STOX2: variants seen among roughly 807,000 people sequenced by gnomAD.
STOX2 encodes the protein storkhead-box protein 2.
STOX2 carries 28 observed loss-of-function variants against 60.9 expected under a neutral mutation model. The ratio of observed to expected loss-of-function variants is 0.46; its 90% CI spans 0.34 to 0.63. The LOEUF (loss-of-function observed/expected upper bound fraction) is 0.63. Ranked by LOEUF, STOX2 falls within the 30% of genes least tolerant of loss-of-function variation. STOX2 has a pLI of 0.01. For synonymous variants in STOX2, 472 were observed against 463.9 expected (o/e 1.02, Z -0.22); for missense variants, 1,024 against 1,187.7 (o/e 0.86, Z 2.03).
At chr4:183,848,050 G>T (rs188132790) in intron 1 of STOX2, among the ~76,000 whole-genome samples, 78 of 152,332 alleles carry the variant, frequency 5.1e-4, no homozygotes, top group Middle Eastern at 3.4e-3. Context: ...ACATAATACA[G>T]TCTTCCTAGA....
At chr4:183,808,551 A>C (rs979128126) in intron 1 of STOX2, among the ~76,000 whole-genome samples, 14 of 152,342 alleles carry the variant, frequency 9.2e-5, no homozygotes, top group Admixed American at 3.9e-4. Context: ...GAAAGTCTTT[A>C]ATCGTTAGTA....
At position 183,889,112 on chromosome 4, in the gene STOX2, C is replaced by T. The variant is rs76012716; in HGVS notation, c.364+91057C>T. 7.7e-3 allele frequency among the ~76,000 whole-genome samples: 1,167 copies of T among 152,060 alleles called. 16 individuals are homozygous for T. The highest frequency in any genetic ancestry group is 0.027 in the African/African-American group (1,118 of 41,486). On this transcript the variant is annotated intron_variant, in intron 1 of 2. Coordinates refer to the STOX2 transcript ENST00000513034. ...AGTTAAAGGATCGTCCTCAACGACACTGATCGGGGTTGAACTGCATCCCTC... is the reference window on the plus strand; with the variant it reads ...AGTTAAAGGATCGTCCTCAACGACATTGATCGGGGTTGAACTGCATCCCTC...
At chr4:183,935,421 G>A (rs1237251177) in intron 1 of STOX2, among the ~76,000 whole-genome samples, 1 of 152,240 alleles carries the variant, frequency 6.6e-6, no homozygotes, top group Non-Finnish European at 1.5e-5. Context: ...CAGCATTTTG[G>A]GGCTAACGCT....
chr4:183,995,430 G>C (rs1205541078), intron 1 of STOX2, among the ~76,000 whole-genome samples: 1 of 150,606 alleles, frequency 6.6e-6, no homozygotes, highest in Non-Finnish European at 1.5e-5. Context: ...TTATGTGAGA[G>C]AGAGTTTTTT....
In STOX2 at chr4:183,865,770, G is replaced by C. The variant is rs1740549296; in HGVS notation, c.364+67715G>C. On this transcript the variant is annotated intron_variant, in intron 1 of 2. Coordinates refer to the STOX2 transcript ENST00000513034. This position sits in a 1 kb window ranked among gnomAD's most constrained non-coding sequence, Gnocchi z 4.1. Reference sequence around the variant, plus strand: ...GAAATGGCATGAACACAGGCTAGAAGGCAAGAAAACCCTGGTTGTAGGTTG... The same window carrying C: ...GAAATGGCATGAACACAGGCTAGAACGCAAGAAAACCCTGGTTGTAGGTTG... Among the ~76,000 whole-genome samples, 1 of 152,188 alleles carries C rather than the reference G, an allele frequency of 6.6e-6. No homozygotes were observed. The highest frequency in any genetic ancestry group is 1.5e-5 in the Non-Finnish European group (1 of 68,030).
intron 1 of STOX2, among the ~76,000 whole-genome samples, chr4:183,963,415 A>G (rs1743468331): frequency 6.6e-6 from 1 of 151,958 alleles, no homozygotes; most frequent in African/African-American, 2.4e-5. Flanking sequence ...TAAAAATGTT[A>G]TATTTTTTTT....
intron 1 of STOX2, among the ~76,000 whole-genome samples, chr4:183,875,314 G>T (rs1390475204): frequency 6.6e-6 from 1 of 152,118 alleles, no homozygotes; most frequent in African/African-American, 2.4e-5. Flanking sequence ...TTCATGGTAG[G>T]TGGTGGTGAA....
chr4:183,874,959 ATATATATATATATATATATATATATATAT>A (rs1740791944), intron 1 of STOX2, among the ~76,000 whole-genome samples: 1 of 49,098 alleles, frequency 2.0e-5, no homozygotes, highest in African/African-American at 9.7e-5. Flanking sequence ...AAAAATATAT[ATATATATATATATATATATATATATATAT>A]ATATAAAACT....
Position 184,023,041 on chromosome 4 carries a change from G to A in STOX2, c.*5757G>A, listed in dbSNP as rs1186546077. 2 of 152,206 alleles carry A rather than the reference G, an allele frequency of 1.3e-5. No homozygotes were observed. Among genetic ancestry groups the A allele is most frequent in the East Asian group, 3.8e-4 (2 of 5,196 alleles). 9.4% of individuals were successfully genotyped at this position (152,206 alleles called of 1,614,324 possible). A position where few individuals can be genotyped will look rare whatever the true frequency, so the allele number is the denominator to read the frequency against. On this transcript the variant is annotated 3_prime_UTR_variant, in exon 4 of 4. Transcript: ENST00000308497. Reference sequence around the variant, plus strand: ...TGCAGGTATCTTTCTCTGAGTGACTGAATGTGACTATTGCATTAGGGTAAA... The same window carrying A: ...TGCAGGTATCTTTCTCTGAGTGACTAAATGTGACTATTGCATTAGGGTAAA...
At chr4:183,840,868 T>C (rs187809307) in intron 1 of STOX2, among the ~76,000 whole-genome samples, 1 of 152,266 alleles carries the variant, frequency 6.6e-6, no homozygotes, top group Non-Finnish European at 1.5e-5. Flanking sequence ...TCACTCATTG[T>C]ATTCTGTTAT....
In STOX2 at chr4:183,930,657, A is replaced by G. The variant is rs372444312; in HGVS notation, c.166+23701A>G. ...ACAGGCGTGAGCCATTGCTCTGGCC[A>G]TAACTTTTGTTTCAAGAAGGAAGTT... On this transcript the variant is annotated intron_variant, in intron 1 of 3. Transcript: ENST00000308497. Among the ~76,000 whole-genome samples the G allele has an allele frequency of 3.7e-4, 56 of 152,258 alleles. No homozygotes were observed. The South Asian group carries it at 0.012, about 32-fold the overall frequency.
At chr4:183,924,202 G>C (rs774712145) in intron 1 of STOX2, among the ~76,000 whole-genome samples, 4 of 152,162 alleles carry the variant, frequency 2.6e-5, no homozygotes, top group Non-Finnish European at 4.4e-5. Flanking sequence ...GCCTGTTCGT[G>C]TCAGGGCCTT....
intron 1 of STOX2, among the ~76,000 whole-genome samples, chr4:183,839,663 G>A (rs1739804175): frequency 1.3e-5 from 2 of 152,166 alleles, no homozygotes; most frequent in Non-Finnish European, 1.5e-5. Context: ...AGGCCAGAAC[G>A]CGAACTGTGT....
chr4:183,929,397 G>C (rs990189462), intron 1 of STOX2, among the ~76,000 whole-genome samples: 3 of 152,220 alleles, frequency 2.0e-5, no homozygotes, highest in Non-Finnish European at 4.4e-5. Flanking sequence ...GAACGGCCTA[G>C]GTCTGGAGGT....
At chr4:183,799,920 G>A (rs961508198) in intron 1 of STOX2, among the ~76,000 whole-genome samples, 1 of 152,174 alleles carries the variant, frequency 6.6e-6, no homozygotes, top group African/African-American at 2.4e-5. Flanking sequence ...GGGCCTGCCA[G>A]CCTCTGTAGT....
intron 1 of STOX2, among the ~76,000 whole-genome samples, chr4:183,954,994 C>A (rs572105163): frequency 5.3e-5 from 8 of 152,356 alleles, no homozygotes; most frequent in Admixed American, 5.2e-4. Context: ...AACTACCACG[C>A]CCGGCCCCCC....
At chr4:183,943,801 C>A (rs150448998) in intron 1 of STOX2, among the ~76,000 whole-genome samples, 1 of 152,246 alleles carries the variant, frequency 6.6e-6, no homozygotes, top group Admixed American at 6.5e-5. Context: ...TGCTTGAATC[C>A]GGGAGGCGGA....
At position 184,009,143 on chromosome 4, in the gene STOX2, T is replaced by G. The variant is rs543252099; in HGVS notation, c.320-15T>G. On this transcript the variant is annotated splice_polypyrimidine_tract_variant and intron_variant, in intron 2 of 3. Transcript: ENST00000308497. This position sits in a 1 kb window ranked among gnomAD's most constrained non-coding sequence, Gnocchi z 4.0. Reference sequence around the variant, plus strand: ...TCTTCATTCTCACAAGTGGTTTTTTTTTTTTTTTTTTCAGGTGTTCCAACG... The same window carrying G: ...TCTTCATTCTCACAAGTGGTTTTTTGTTTTTTTTTTTCAGGTGTTCCAACG... 173 of 1,415,960 alleles carry G rather than the reference T, an allele frequency of 1.2e-4. No homozygotes were observed. In the East Asian group the frequency reaches 4.0e-3, roughly 33 times the overall value. The allele number at this position is 1,415,960 out of a possible 1,614,324, so 87.7% of individuals were successfully genotyped here. A position where few individuals can be genotyped will look rare whatever the true frequency, so the allele number is the denominator to read the frequency against.
chr4:183,877,749 T>G (rs1377319566), intron 1 of STOX2, among the ~76,000 whole-genome samples: 2 of 152,176 alleles, frequency 1.3e-5, no homozygotes, highest in African/African-American at 4.8e-5. Context: ...GGGGCGATCT[T>G]GGCTTACTGC....
Sources: gnomAD v4.1 joint callset for allele counts (sites outside exome capture counted in the v4.1 genomes callset) on GRCh38, gnomAD v4.1.1 for gene constraint, Gnocchi (gnomAD v3.1) non-coding constraint, MANE v1.5 for transcripts, NCBI Gene and HGNC (gene_info 2026-07-23, HGNC 2026-07-21) for gene names.